TMEM62: variants seen among roughly 807,000 people sequenced by gnomAD.
TMEM62 encodes the protein transmembrane protein 62.
TMEM62 carries 41 observed loss-of-function variants against 70.4 expected under a neutral mutation model. The observed-to-expected ratio is 0.58, with a 90% confidence interval of 0.45 to 0.76. TMEM62 has a LOEUF of 0.76. TMEM62 is among the 30% of genes least tolerant of loss of function. TMEM62 has a pLI of 0.00. For synonymous variants in TMEM62, 268 were observed against 291.0 expected (o/e 0.92, Z 0.80); for missense variants, 688 against 788.5 (o/e 0.87, Z 1.53).
chr15:43,178,926 C>G (rs527302832), intron 12 of TMEM62, among the ~76,000 whole-genome samples: 27 of 152,294 alleles, frequency 1.8e-4, no homozygotes, highest in South Asian at 2.1e-4. Flanking sequence ...GAGAAGACTG[C>G]TACAGAATTA....
Position 43,146,571 on chromosome 15 carries a change from TG to T in TMEM62, c.556del (p.Val186Ter). 6.2e-7 allele frequency: 1 copy of T among 1,613,496 alleles called. No homozygotes were observed. Among genetic ancestry groups the T allele is most frequent in the African/African-American group, 1.3e-5 (1 of 75,050 alleles). ...TPFGNYSFICVDATVNPGPKR... is the reference protein window; with the variant it reads ...TPFGNYSFICXDATVNPGPKR... ...CCTTTGGCAACTATTCGTTCATCTG[TG>T]TAGATGCCACTGTAAATCCAGGGCC... On this transcript the variant is annotated frameshift_variant, in exon 5 of 14. Transcript: ENST00000260403. LOFTEE classifies it high-confidence loss of function.
intron 7 of TMEM62, among the ~76,000 whole-genome samples, chr15:43,151,392 A>G (rs2037372528): frequency 6.6e-6 from 1 of 152,166 alleles, no homozygotes; most frequent in Admixed American, 6.5e-5. Context: ...CATATCAACC[A>G]TTTTAATATT....
rs1182442148 is a variant in TMEM62, at chr15:43,154,797, G to A, written c.1148G>A (p.Ser383Asn). 6.2e-7 allele frequency: 1 copy of A among 1,613,112 alleles called. No homozygotes were observed. Among genetic ancestry groups the A allele is most frequent in the Non-Finnish European group, 8.5e-7 (1 of 1,179,686 alleles). Reference sequence around the variant, plus strand: ...CTGAAGTGGAATCCTAGAAACTACAGTAGTGGGACACATAACATAGAAGTA... The same window carrying A: ...CTGAAGTGGAATCCTAGAAACTACAATAGTGGGACACATAACATAGAAGTA... ...FVLKWNPRNYSSGTHNIEVIV... is the reference protein window; with the variant it reads ...FVLKWNPRNYNSGTHNIEVIV... The change falls in exon 9 of 14, where the codon AGT becomes AAT. Residue 383 changes from serine (S) to asparagine (N), a missense_variant. Coordinates refer to ENST00000260403, the MANE Select transcript of TMEM62 (RefSeq NM_024956.4).
chr15:43,160,040 C>G (rs758740920), intron 9 of TMEM62, among the ~76,000 whole-genome samples: 2 of 152,020 alleles, frequency 1.3e-5, no homozygotes, highest in Non-Finnish European at 2.9e-5. Flanking sequence ...GTGATCTCGG[C>G]TCACTGCAAG....
rs1035356378 is a variant in TMEM62 at position 43,156,627 on chromosome 15, GA to G, written c.1182+1805del. Among the ~76,000 whole-genome samples, 3 of 150,256 alleles carry G rather than the reference GA, an allele frequency of 2.0e-5. No individual in the cohort carries two copies. In the East Asian group the frequency reaches 5.8e-4, roughly 29 times the overall value. ...CATACAACTTCTGTAGTTTTATGAA[GA>G]AAAAAAAACCATAGCTTATATTCCT... On this transcript the variant is annotated intron_variant, in intron 9 of 13. Transcript: ENST00000260403.
rs1202744678 is a variant in TMEM62, at chr15:43,184,552, T to G, written c.1898T>G (p.Phe633Cys). ...CTGAACTCCACCAAGTTTGGAATCT[T>G]CATGGTGCAGTTAAAAAGCCACCTG... Reference protein sequence around the residue: ...WTLNSTKFGIFMVQLKSHLSS With the variant: ...WTLNSTKFGICMVQLKSHLSS The change falls in exon 14 of 14, where the codon TTC (phenylalanine) becomes TGC (cysteine). Residue 633 changes from phenylalanine (F) to cysteine (C), a missense_variant. By Grantham distance (205) the Phe-to-Cys change is radical. Coordinates refer to ENST00000260403, the MANE Select transcript of TMEM62 (RefSeq NM_024956.4). 1 of 1,611,988 alleles carries G rather than the reference T, an allele frequency of 6.2e-7. No homozygotes were observed. The highest frequency in any genetic ancestry group is 2.2e-5 in the East Asian group (1 of 44,878).
At chr15:43,155,579 ATAT>A (rs2037950228) in intron 9 of TMEM62, among the ~76,000 whole-genome samples, 1 of 152,204 alleles carries the variant, frequency 6.6e-6, no homozygotes, top group African/African-American at 2.4e-5. Context: ...AATAATTCTA[ATAT>A]TAGATTAAAA....
chr15:43,134,910 A>G (rs956891093), intron 2 of TMEM62, among the ~76,000 whole-genome samples: 1 of 152,194 alleles, frequency 6.6e-6, no homozygotes, highest in Non-Finnish European at 1.5e-5. Context: ...AAGCTAAAGG[A>G]GCATCTATCT....
chr15:43,134,214 C>G (rs1323126803), intron 1 of TMEM62, 43 bp from the exon 2 acceptor site: 1 of 1,597,778 alleles, frequency 6.3e-7, no homozygotes, highest in South Asian at 1.1e-5. Context: ...CATGCTGCCT[C>G]TTCCTGGCTC....
chr15:43,145,620 A>G (rs2141606661), intron 4 of TMEM62, among the ~76,000 whole-genome samples: 1 of 152,212 alleles, frequency 6.6e-6, no homozygotes, highest in Non-Finnish European at 1.5e-5. Context: ...TCATATATTT[A>G]CTCGGGTTAC....
At chr15:43,156,465 A>G (rs1253687186) in intron 9 of TMEM62, among the ~76,000 whole-genome samples, 2 of 152,202 alleles carry the variant, frequency 1.3e-5, no homozygotes, top group Non-Finnish European at 2.9e-5. Flanking sequence ...AAGGTCTTTC[A>G]TATTAGAAGA....
chr15:43,138,645 C>T, intron 4 of TMEM62, 26 bp downstream of exon 4: 1 of 1,553,456 alleles, frequency 6.4e-7, no homozygotes, highest in East Asian at 2.2e-5. Flanking sequence ...GAAGACAGAC[C>T]ACTATGTAGA....
At chr15:43,159,922 G>A (rs1417177232) in intron 9 of TMEM62, among the ~76,000 whole-genome samples, 1 of 152,120 alleles carries the variant, frequency 6.6e-6, no homozygotes, top group Non-Finnish European at 1.5e-5. Context: ...AAATACACGT[G>A]AGTGCATGCT....
chr15:43,184,211 A>G (rs2041673596), intron 13 of TMEM62, 49 bp from the exon 14 acceptor site: 6 of 1,529,558 alleles, frequency 3.9e-6, no homozygotes, highest in Non-Finnish European at 5.3e-6. Flanking sequence ...TATTAAGACC[A>G]AACTCTTCCA....
chr15:43,171,820 G>T (rs1168245188), intron 11 of TMEM62, among the ~76,000 whole-genome samples: 1 of 151,488 alleles, frequency 6.6e-6, no homozygotes, highest in Non-Finnish European at 1.5e-5. Context: ...GTAGAGACAG[G>T]GTTTCACCAT....
intron 9 of TMEM62, among the ~76,000 whole-genome samples, chr15:43,158,280 A>C (rs1446527553): frequency 6.6e-6 from 1 of 152,232 alleles, no homozygotes; most frequent in East Asian, 1.9e-4. Context: ...AAGATGGATC[A>C]GTGTATTCAG....
rs527790955 is a variant in TMEM62, at chr15:43,154,819, A to G, written c.1170A>G (p.Glu390=). 1.2e-5 allele frequency: 19 copies of G among 1,605,946 alleles called. 1 individual carries two copies. In the Admixed American group the frequency reaches 2.2e-4, roughly 19 times the overall value. ...ACAGTAGTGGGACACATAACATAGAAGTAATCGTCCAGGTAAGTTAGTAAT... is the reference window on the plus strand; with the variant it reads ...ACAGTAGTGGGACACATAACATAGAGGTAATCGTCCAGGTAAGTTAGTAAT... The part of the protein sequence containing the change: ...RNYSSGTHNI[E]VIVQDSAGRS... The change falls in exon 9 of 14, where the codon GAA becomes GAG. Residue 390 remains glutamate, a synonymous_variant. Transcript: ENST00000260403.
intron 10 of TMEM62, among the ~76,000 whole-genome samples, chr15:43,165,760 AAAATAAATAAAT>A (rs538743429): frequency 2.0e-5 from 3 of 151,772 alleles, no homozygotes; most frequent in South Asian, 2.1e-4. Context: ...AATTAAATAA[AAAATAAATAAAT>A]AAATAAATAA....
intron 11 of TMEM62, among the ~76,000 whole-genome samples, chr15:43,172,508 A>G (rs2040299390): frequency 6.6e-6 from 1 of 152,216 alleles, no homozygotes; most frequent in Admixed American, 6.5e-5. Context: ...ACTATATTAA[A>G]TTAGTTTTAC....
Sources: gnomAD v4.1 joint callset for allele counts (sites outside exome capture counted in the v4.1 genomes callset) on GRCh38, gnomAD v4.1.1 for gene constraint, MANE v1.5 for transcripts, NCBI Gene and HGNC (gene_info 2026-07-23, HGNC 2026-07-21) for gene names.